PCDHGA4: variants seen among roughly 807,000 people sequenced by gnomAD.
PCDHGA4 encodes the protein protocadherin gamma subfamily A, 4.
A neutral mutation model predicts 54.6 loss-of-function variants in PCDHGA4; 38 were observed. The ratio of observed to expected loss-of-function variants is 0.70; its 90% CI spans 0.54 to 0.91. PCDHGA4 has a LOEUF of 0.91. Ranked by LOEUF, PCDHGA4 falls within the 40% of genes least tolerant of loss-of-function variation. The probability of loss-of-function intolerance (pLI) is 0.00; values close to 1 mark genes in which losing one functional copy is unlikely to be tolerated. For missense variants in PCDHGA4, 1,298 were observed against 1,220.9 expected, an observed-to-expected ratio of 1.06 and a Z score of -0.94; for synonymous variants, 511 against 512.9, an observed-to-expected ratio of 1.00 and a Z score of 0.05.
chr5:141,440,103 A>G (rs1391819927), intron 1 of PCDHGA4: 1 of 152,222 alleles, frequency 6.6e-6, no homozygotes, highest in Non-Finnish European at 1.5e-5. Flanking sequence ...GAAAGTGGAG[A>G]CTTACTTGTG....
Position 141,490,310 on chromosome 5 carries a change from AC to A in PCDHGA4, c.2515-4494del. 1 of 1,614,084 alleles carries A rather than the reference AC, an allele frequency of 6.2e-7. No homozygotes were observed. The highest frequency in any genetic ancestry group is 8.5e-7 in the Non-Finnish European group (1 of 1,180,012). ...GAGGTGCTATTGGCCTCTTTGGCCA[AC>A]CCTGTCCTAGAGAGCACACCAGTGG... is the stretch of plus-strand genomic sequence containing the variant. On this transcript the variant is annotated intron_variant, in intron 1 of 3. Transcript: ENST00000571252. This position sits in a 1 kb window ranked among gnomAD's most constrained non-coding sequence, Gnocchi z 5.4.
At position 141,356,835 on chromosome 5, in the gene PCDHGA4, T is replaced by C; in HGVS notation, c.1728T>C (p.Asn576=). ...SDSGDPPLSS[N]VSLSLFVLDQ... is the part of the protein sequence containing the mutation. Reference sequence around the variant, plus strand: ...GTGGAGACCCTCCACTCAGCAGCAATGTGTCACTGAGCCTCTTTGTGCTGG... The same window carrying C: ...GTGGAGACCCTCCACTCAGCAGCAACGTGTCACTGAGCCTCTTTGTGCTGG... The change falls in exon 1 of 4, where the codon AAT becomes AAC. Residue 576 remains asparagine, a synonymous_variant. Coordinates refer to ENST00000571252, the MANE Select transcript of PCDHGA4 (RefSeq NM_018917.4). The C allele has an allele frequency of 6.2e-7, 1 of 1,614,144 alleles. No homozygotes were observed. The highest frequency in any genetic ancestry group is 8.5e-7 in the Non-Finnish European group (1 of 1,179,996).
intron 1 of PCDHGA4, chr5:141,364,277 A>G (rs1763252394): frequency 1.3e-6 from 2 of 1,515,318 alleles, no homozygotes; most frequent in East Asian, 2.3e-5. Flanking sequence ...TTAGATAAAT[A>G]AGGAAACAGC....
At chr5:141,402,398 ATTG>A (rs1159125909) in intron 1 of PCDHGA4, among the ~76,000 whole-genome samples, 19 of 152,216 alleles carry the variant, frequency 1.2e-4, no homozygotes, top group African/African-American at 4.6e-4. Context: ...ACTTCAGAAA[ATTG>A]TTAAGATACA....
At chr5:141,376,251 G>T in intron 1 of PCDHGA4, 1 of 1,614,228 alleles carries the variant, frequency 6.2e-7, no homozygotes, top group Non-Finnish European at 8.5e-7. Context: ...CACAAGTCAC[G>T]CCTGCTGCAG....
intron 1 of PCDHGA4, among the ~76,000 whole-genome samples, chr5:141,464,426 GAT>G (rs1287556960): frequency 6.6e-6 from 1 of 151,096 alleles, no homozygotes; most frequent in African/African-American, 2.4e-5. Context: ...TATATATATA[GAT>G]ATATATGTTT....
rs1759804410 is a variant in PCDHGA4 at position 141,355,334 on chromosome 5, T to C, written c.227T>C (p.Val76Ala). ...VFEEQEEGSV[V>A]GNIAKDLGLA... Reference sequence around the variant, plus strand: ...GAGGAGCAGGAAGAAGGCTCAGTGGTGGGCAACATCGCCAAGGACCTGGGG... The same window carrying C: ...GAGGAGCAGGAAGAAGGCTCAGTGGCGGGCAACATCGCCAAGGACCTGGGG... The change falls in exon 1 of 4, where the codon GTG (valine) becomes GCG (alanine). Residue 76 changes from valine to alanine, a missense_variant. Transcript: ENST00000571252. 6.2e-7 allele frequency: 1 copy of C among 1,613,854 alleles called. No homozygotes were observed. The highest frequency in any genetic ancestry group is 8.5e-7 in the Non-Finnish European group (1 of 1,179,920).
rs530054362 is a variant in PCDHGA4 at position 141,486,066 on chromosome 5, C to G, written c.2515-8741C>G. ...AGAAACCTCTTTAGCCTGCACCCCACTACTGGAAAGCTTACTCTTTTGGGG... is the reference window on the plus strand; with the variant it reads ...AGAAACCTCTTTAGCCTGCACCCCAGTACTGGAAAGCTTACTCTTTTGGGG... On this transcript the variant is annotated intron_variant, in intron 1 of 3. Coordinates refer to ENST00000571252, the MANE Select transcript of PCDHGA4 (RefSeq NM_018917.4). This position sits in a 1 kb window ranked among gnomAD's most constrained non-coding sequence, Gnocchi z 5.0. The G allele has an allele frequency of 3.1e-6, 5 of 1,614,166 alleles. No homozygotes were observed. In the African/African-American group the frequency reaches 5.3e-5, roughly 17 times the overall value.
intron 1 of PCDHGA4, chr5:141,397,922 G>A: frequency 1.4e-6 from 1 of 731,582 alleles, no homozygotes; most frequent in Non-Finnish European, 2.2e-6. Flanking sequence ...AGATCTCCTC[G>A]CGCAGCCGCA....
intron 1 of PCDHGA4, among the ~76,000 whole-genome samples, chr5:141,454,491 C>T (rs956727548): frequency 6.6e-6 from 1 of 152,194 alleles, no homozygotes; most frequent in South Asian, 2.1e-4. Context: ...ACCGCAACCT[C>T]CACCTCCTGG....
chr5:141,393,080 G>A (rs747012880), intron 1 of PCDHGA4: 1 of 1,613,694 alleles, frequency 6.2e-7, no homozygotes, highest in Non-Finnish European at 8.5e-7. Flanking sequence ...CCGCGGGCAG[G>A]ATAGATCGGG....
Position 141,501,330 on chromosome 5 carries a change from CA to C in PCDHGA4, c.2574-4062del, listed in dbSNP as rs1562200936. 1.8e-3 allele frequency among the ~76,000 whole-genome samples: 266 copies of C among 151,500 alleles called. 1 individual carries two copies. Among genetic ancestry groups the C allele is most frequent in the African/African-American group, 5.1e-3 (210 of 41,250 alleles). On this transcript the variant is annotated intron_variant, in intron 2 of 3. Transcript: ENST00000571252. ...ACACACACACACACACACACACACACACACCCCAAACTCAATAGGGCAAGAA... is the reference window on the plus strand; with the variant it reads ...ACACACACACACACACACACACACACCACCCCAAACTCAATAGGGCAAGAA...
Position 141,355,525 on chromosome 5 carries a change from C to A in PCDHGA4, c.418C>A (p.Leu140Ile). The stretch of plus-strand genomic sequence containing the variant: ...AAACTGTGTGACAAACCTGGAGATT[C>A]TTCTAGAAGATACAGTGAAGATTTT... ...SPNCVTNLEILLEDTVKILRV... is the reference protein window; with the variant it reads ...SPNCVTNLEIILEDTVKILRV... The change falls in exon 1 of 4, where the codon CTT becomes ATT. Residue 140 changes from leucine to isoleucine, a missense_variant. Coordinates refer to ENST00000571252, the MANE Select transcript of PCDHGA4 (RefSeq NM_018917.4). 1.9e-6 allele frequency: 3 copies of A among 1,614,028 alleles called. No individual in the cohort carries two copies. Among genetic ancestry groups the A allele is most frequent in the Non-Finnish European group, 2.5e-6 (3 of 1,179,900 alleles).
intron 1 of PCDHGA4, chr5:141,364,350 G>A: frequency 6.5e-7 from 1 of 1,550,364 alleles, no homozygotes; most frequent in Non-Finnish European, 8.7e-7. Flanking sequence ...CCACCTAGGG[G>A]CTGGGGCTGC....
intron 1 of PCDHGA4, chr5:141,393,821 G>A: frequency 6.2e-7 from 1 of 1,613,734 alleles, no homozygotes; most frequent in South Asian, 1.1e-5. Context: ...TGCTCATTTC[G>A]GTGGAAGATG....
In PCDHGA4 at chr5:141,486,531, C is replaced by T; in HGVS notation, c.2515-8276C>T. The T allele has an allele frequency of 6.2e-7, 1 of 1,614,062 alleles. No homozygotes were observed. Among genetic ancestry groups the T allele is most frequent in the Non-Finnish European group, 8.5e-7 (1 of 1,180,020 alleles). Reference sequence around the variant, plus strand: ...ATTTCAGATGTGAATGATAATCCACCCTCTTTCTTTCAGAGGTCACATGAG... The same window carrying T: ...ATTTCAGATGTGAATGATAATCCACTCTCTTTCTTTCAGAGGTCACATGAG... On this transcript the variant is annotated intron_variant, in intron 1 of 3. Transcript: ENST00000571252. This position sits in a 1 kb window ranked among gnomAD's most constrained non-coding sequence, Gnocchi z 5.0.
In PCDHGA4 at chr5:141,355,755, G is replaced by T. The variant is rs761483033; in HGVS notation, c.648G>T (p.Gly216=). Residue 216 remains glycine (G), a synonymous_variant, in exon 1 of 4, where the codon GGG becomes GGT. Coordinates refer to ENST00000571252, the MANE Select transcript of PCDHGA4 (RefSeq NM_018917.4). The stretch of plus-strand genomic sequence containing the variant: ...ACTTTTCCCTGGACGTGCAAAGTGG[G>T]GCCGATGGGATTAAGTACCCAGAGC... ...NGYFSLDVQS[G]ADGIKYPELV... 1 of 1,613,924 alleles carries T rather than the reference G, an allele frequency of 6.2e-7. No individual in the cohort carries two copies. The highest frequency in any genetic ancestry group is 1.3e-5 in the African/African-American group (1 of 75,036).
intron 1 of PCDHGA4, among the ~76,000 whole-genome samples, chr5:141,373,599 T>A (rs1769720123): frequency 6.6e-6 from 1 of 152,236 alleles, no homozygotes; most frequent in Non-Finnish European, 1.5e-5. Flanking sequence ...GTGATGATAA[T>A]TCAAAATTTA....
chr5:141,471,214 A>C (rs757487718), intron 1 of PCDHGA4: 2 of 149,606 alleles, frequency 1.3e-5, no homozygotes, highest in Non-Finnish European at 3.0e-5. Context: ...CATGCCTGGC[A>C]ATTTTTTTGT....
Sources: allele counts gnomAD v4.1 joint callset (sites outside exome capture counted in the v4.1 genomes callset), GRCh38; gene constraint gnomAD v4.1.1; non-coding constraint Gnocchi (gnomAD v3.1); transcripts MANE v1.5; gene names NCBI Gene and HGNC (gene_info 2026-07-23, HGNC 2026-07-21).